Variants in KDM4B observed in about 807,000 individuals in gnomAD.
KDM4B encodes the protein lysine demethylase 4B, also known as lysine-specific demethylase 4B.
A neutral mutation model predicts 125.2 loss-of-function variants in KDM4B; 32 were observed. That is an observed-to-expected ratio of 0.26 (90% confidence interval 0.19 to 0.34). The LOEUF (loss-of-function observed/expected upper bound fraction) is 0.34. Among genes scored for constraint, KDM4B ranks in the 10% least tolerant of loss-of-function variants. The probability of loss-of-function intolerance (pLI) is 1.00; values close to 1 mark genes in which losing one functional copy is unlikely to be tolerated. For synonymous variants in KDM4B, 721 were observed against 677.9 expected (o/e 1.06, Z -0.99); for missense variants, 1,190 against 1,577.7 (o/e 0.75, Z 4.16).
At chr19:5,088,375 C>T (rs984117927) in intron 9 of KDM4B, among the ~76,000 whole-genome samples, 2 of 152,198 alleles carry the variant, frequency 1.3e-5, no homozygotes, top group Non-Finnish European at 2.9e-5. Flanking sequence ...TCCAACTCCC[C>T]CCGTGATTCC....
intron 11 of KDM4B, among the ~76,000 whole-genome samples, chr19:5,124,956 G>A (rs550687743): frequency 1.3e-5 from 2 of 151,732 alleles, no homozygotes; most frequent in Admixed American, 1.3e-4. Flanking sequence ...TTGGAGGGCA[G>A]TGGTGCAGTC....
intron 11 of KDM4B, among the ~76,000 whole-genome samples, chr19:5,122,186 G>A (rs997665251): frequency 2.6e-5 from 4 of 152,172 alleles, no homozygotes; most frequent in Admixed American, 2.0e-4. Context: ...TTTCCTGCCT[G>A]TCTCAGTGTC....
chr19:5,065,874 C>T (rs753193692), intron 6 of KDM4B, among the ~76,000 whole-genome samples: 3 of 152,172 alleles, frequency 2.0e-5, no homozygotes, highest in Non-Finnish European at 4.4e-5. Flanking sequence ...GCAAGGCTGT[C>T]GGGGCCTCGC....
intron 1 of KDM4B, among the ~76,000 whole-genome samples, chr19:5,009,408 T>G (rs2035662797): frequency 6.6e-6 from 1 of 152,166 alleles, no homozygotes; most frequent in African/African-American, 2.4e-5. Flanking sequence ...GCAGGTTTGG[T>G]CTTCAGTGGG....
intron 18 of KDM4B, among the ~76,000 whole-genome samples, chr19:5,139,827 G>GC (rs1270345658): frequency 1.3e-5 from 2 of 152,314 alleles, no homozygotes; most frequent in South Asian, 2.1e-4. Context: ...GCACATTGAG[G>GC]CCCCCCGTAG....
At chr19:4,986,684 C>T (rs1419153789) in intron 1 of KDM4B, among the ~76,000 whole-genome samples, 1 of 152,244 alleles carries the variant, frequency 6.6e-6, no homozygotes, top group Non-Finnish European at 1.5e-5. Flanking sequence ...GGGAGGGCCT[C>T]TCCCAGCAGG....
intron 2 of KDM4B, among the ~76,000 whole-genome samples, chr19:5,021,826 G>C (rs1374027071): frequency 6.6e-6 from 1 of 152,086 alleles, no homozygotes; most frequent in Non-Finnish European, 1.5e-5. Context: ...AGTAGAGACA[G>C]GGTTTCACGG....
chr19:5,106,263 T>C (rs1314457086), intron 9 of KDM4B, among the ~76,000 whole-genome samples: 1 of 152,232 alleles, frequency 6.6e-6, no homozygotes, highest in Admixed American at 6.5e-5. Flanking sequence ...TGTGTGTGTG[T>C]GTGCGCGCGC....
Position 5,144,295 on chromosome 19 carries a change from G to A in KDM4B, c.2784G>A (p.Lys928=). ...AVSLGQVVIT[K]NRNGLYYRCR... is the part of the protein sequence containing the mutation. ...CCCTAGGCCAGGTGGTCATCACCAA[G>A]AACCGCAACGGGCTGTACTACCGCT... The change falls in exon 20 of 23, where the codon AAG becomes AAA. Residue 928 remains lysine (K), a synonymous_variant. Transcript: ENST00000159111. The A allele has an allele frequency of 1.3e-6, 2 of 1,593,616 alleles. No individual in the cohort carries two copies. Among genetic ancestry groups the A allele is most frequent in the Non-Finnish European group, 1.7e-6 (2 of 1,170,626 alleles).
chr19:5,085,603 G>A (rs1320148747), intron 9 of KDM4B, among the ~76,000 whole-genome samples: 5 of 152,248 alleles, frequency 3.3e-5, no homozygotes, highest in South Asian at 4.1e-4. Flanking sequence ...AGCAAGTGGC[G>A]TGCAGCGCTC....
intron 9 of KDM4B, among the ~76,000 whole-genome samples, chr19:5,103,149 A>G (rs1004796874): frequency 3.3e-5 from 5 of 151,964 alleles, no homozygotes; most frequent in East Asian, 3.9e-4. Flanking sequence ...CCCAGGGCCA[A>G]TGTGTGCCTC....
intron 9 of KDM4B, among the ~76,000 whole-genome samples, chr19:5,090,803 C>T (rs1317388435): frequency 6.6e-6 from 1 of 151,022 alleles, no homozygotes; most frequent in Non-Finnish European, 1.5e-5. Context: ...CTCTGCTTCC[C>T]TTGCCCCACT....
chr19:4,969,359 T>C (rs2034161422), intron 1 of KDM4B, 129 bp downstream of exon 1: 1 of 144,242 alleles, frequency 6.9e-6, no homozygotes, highest in African/African-American at 2.5e-5. Flanking sequence ...CGCGGCCTGC[T>C]CGGGCCGGGC....
intron 2 of KDM4B, among the ~76,000 whole-genome samples, chr19:5,017,954 A>G (rs895275186): frequency 1.3e-5 from 2 of 151,868 alleles, no homozygotes; most frequent in African/African-American, 4.8e-5. Flanking sequence ...GTTAGCCAGG[A>G]TGGTCTCCAT....
intron 1 of KDM4B, among the ~76,000 whole-genome samples, chr19:4,981,605 G>GC (rs533101929): frequency 1.1e-3 from 163 of 151,956 alleles, no homozygotes; most frequent in Non-Finnish European, 1.4e-3. Flanking sequence ...GTGAGTGGGA[G>GC]CCCCCCCCAC....
intron 9 of KDM4B, among the ~76,000 whole-genome samples, chr19:5,087,404 G>T (rs556995024): frequency 6.6e-6 from 1 of 152,188 alleles, no homozygotes; most frequent in Non-Finnish European, 1.5e-5. Flanking sequence ...ATGAAACCTG[G>T]TGTCATGGAC....
chr19:5,131,824 C>T, intron 12 of KDM4B, 63 bp from the exon 13 acceptor site: 1 of 1,609,368 alleles, frequency 6.2e-7, no homozygotes, highest in Non-Finnish European at 8.5e-7. Context: ...CTGTGTGGCT[C>T]CGAGGGAGCC....
intron 6 of KDM4B, among the ~76,000 whole-genome samples, chr19:5,058,619 T>C (rs2037483752): frequency 6.6e-6 from 1 of 152,200 alleles, no homozygotes; most frequent in African/African-American, 2.4e-5. Context: ...GGGGCTGCCT[T>C]AGCCTCACGC....
intron 9 of KDM4B, among the ~76,000 whole-genome samples, chr19:5,091,094 C>T (rs535825784): frequency 1.1e-4 from 16 of 152,356 alleles, no homozygotes; most frequent in South Asian, 4.1e-4. Flanking sequence ...GCCTTTCTCA[C>T]GCTGAACTCA....
Sources: allele counts gnomAD v4.1 joint callset (sites outside exome capture counted in the v4.1 genomes callset), GRCh38; gene constraint gnomAD v4.1.1; transcripts MANE v1.5; gene names NCBI Gene and HGNC (gene_info 2026-07-23, HGNC 2026-07-21).